Variants in SCLT1 observed in about 807,000 individuals in gnomAD.
The protein encoded by SCLT1 is sodium channel-associated protein 1.
A neutral mutation model predicts 112.8 loss-of-function variants in SCLT1; 78 were observed. The observed-to-expected ratio is 0.69, with a 90% CI of 0.58 to 0.83. The LOEUF (loss-of-function observed/expected upper bound fraction) is 0.83, where lower values mean the gene tolerates loss of function less well. SCLT1 is among the 40% of genes least tolerant of loss of function. The pLI is 0.00. For missense variants in SCLT1, 747 were observed against 770.4 expected (o/e 0.97, Z 0.36); for synonymous variants, 257 against 254.7 (o/e 1.01, Z -0.09).
chr4:128,950,872 C>T (rs543331131), intron 14 of SCLT1, among the ~76,000 whole-genome samples: 1 of 152,194 alleles, frequency 6.6e-6, no homozygotes, highest in Non-Finnish European at 1.5e-5. Flanking sequence ...CAGAATAAAA[C>T]CTTGAATATT....
intron 1 of SCLT1, among the ~76,000 whole-genome samples, chr4:129,088,675 A>C (rs1259484304): frequency 6.6e-6 from 1 of 152,250 alleles, no homozygotes; most frequent in African/African-American, 2.4e-5. Context: ...AGAGCAGAAT[A>C]TTAAAGAACG....
intron 9 of SCLT1, among the ~76,000 whole-genome samples, chr4:128,991,918 C>T (rs369599920): frequency 7.2e-5 from 11 of 151,824 alleles, no homozygotes; most frequent in African/African-American, 2.4e-4. Context: ...TATACAAATA[C>T]TTTGTCATTT....
chr4:129,023,919 C>A lies in SCLT1; in HGVS notation c.290+15122G>T, dbSNP rs189330133. 9.6e-3 allele frequency among the ~76,000 whole-genome samples: 1,456 copies of A among 152,320 alleles called. 16 individuals are homozygous for A. Among genetic ancestry groups the A allele is most frequent in the African/African-American group, 0.028 (1,167 of 41,566 alleles). ...CCTGGCTTGGAGGGTCCTACGCCCA[C>A]GGAGTCTCGCTGATTGCTAGCACAG... On this transcript the variant is annotated intron_variant, in intron 5 of 20. Coordinates refer to ENST00000281142, the MANE Select transcript of SCLT1 (RefSeq NM_144643.4).
chr4:128,916,772 T>A (rs318547), intron 18 of SCLT1, among the ~76,000 whole-genome samples: 110,552 of 152,014 alleles, frequency 0.73, 40,520 homozygotes, highest in African/African-American at 0.82. Context: ...TAGGCTTAGG[T>A]TCCTATACTA....
chr4:128,881,729 A>ATCATT (rs1468211119), downstream of SCLT1, among the ~76,000 whole-genome samples: 1 of 152,222 alleles, frequency 6.6e-6, no homozygotes, highest in Admixed American at 6.5e-5. Flanking sequence ...TACTATTTGT[A>ATCATT]TCATTTATAA....
At chr4:129,047,215 C>T (rs140158235) in intron 2 of SCLT1, among the ~76,000 whole-genome samples, 3 of 152,068 alleles carry the variant, frequency 2.0e-5, no homozygotes, top group African/African-American at 7.2e-5. Context: ...AACTTCTTCC[C>T]TCAAGTTTTG....
At chr4:128,930,827 C>T (rs1413859340) in intron 18 of SCLT1, among the ~76,000 whole-genome samples, 1 of 151,832 alleles carries the variant, frequency 6.6e-6, no homozygotes, top group African/African-American at 2.4e-5. Context: ...AGGGCAAATA[C>T]CAGGTAAGAT....
chr4:129,054,814 T>C (rs13109003), intron 2 of SCLT1, among the ~76,000 whole-genome samples: 110,012 of 151,948 alleles, frequency 0.72, 41,783 homozygotes, highest in South Asian at 0.9. Context: ...GAGTTGTGAT[T>C]ATGTGGTGAA....
chr4:129,038,491 C>T (rs1409608236), intron 5 of SCLT1, among the ~76,000 whole-genome samples: 3 of 151,786 alleles, frequency 2.0e-5, no homozygotes, highest in East Asian at 1.9e-4. Flanking sequence ...AAAAGTATAT[C>T]GCTTGGAGAT....
At chr4:128,884,752 C>T (rs953897280) in intron 20 of SCLT1, among the ~76,000 whole-genome samples, 1 of 152,140 alleles carries the variant, frequency 6.6e-6, no homozygotes, top group Non-Finnish European at 1.5e-5. Flanking sequence ...CCTTGACCTC[C>T]CAGGATCAAG....
chr4:129,090,940 CAAACATGAGTTGAGAAGTACCA>C (rs574596654), intron 1 of SCLT1, among the ~76,000 whole-genome samples: 10 of 152,048 alleles, frequency 6.6e-5, no homozygotes, highest in East Asian at 3.9e-4. Flanking sequence ...TGAGAAGTAC[CAAACATGAGTTGAGAAGTACCA>C]AAACATGAGT....
chr4:128,891,282 A>C, intron 18 of SCLT1, 145 bp from the exon 19 acceptor site: 94 of 614,082 alleles, frequency 1.5e-4, no homozygotes, highest in East Asian at 2.2e-4. Flanking sequence ...ACCATATCTC[A>C]AGGACTTGTT....
At chr4:128,880,595 A>C (rs1732617493), downstream of SCLT1, among the ~76,000 whole-genome samples, 1 of 152,210 alleles carries the variant, frequency 6.6e-6, no homozygotes, top group Non-Finnish European at 1.5e-5. Context: ...CCTTTGAAAA[A>C]GACTTAGGAT....
At chr4:129,074,676 A>G (rs963510355) in intron 2 of SCLT1, among the ~76,000 whole-genome samples, 8 of 152,204 alleles carry the variant, frequency 5.3e-5, no homozygotes, top group Admixed American at 4.6e-4. Context: ...ATCTTAAATA[A>G]CTGATATTGT....
intron 9 of SCLT1, among the ~76,000 whole-genome samples, chr4:128,984,683 C>T (rs1188746715): frequency 6.6e-6 from 1 of 151,946 alleles, no homozygotes; most frequent in Non-Finnish European, 1.5e-5. Flanking sequence ...CTAATTTATC[C>T]TACATATGCC....
intron 1 of SCLT1, among the ~76,000 whole-genome samples, chr4:129,085,694 C>T (rs536007555): frequency 7.2e-5 from 11 of 152,262 alleles, no homozygotes; most frequent in South Asian, 4.1e-4. Context: ...TAAAGAAGAA[C>T]GAGATCATCT....
chr4:129,006,890 A>G (rs1744077431), intron 5 of SCLT1, among the ~76,000 whole-genome samples: 1 of 152,196 alleles, frequency 6.6e-6, no homozygotes. Context: ...CATACTCTTA[A>G]GATTACAGCT....
At chr4:128,980,612 G>A (rs537046087) in intron 9 of SCLT1, among the ~76,000 whole-genome samples, 1 of 152,066 alleles carries the variant, frequency 6.6e-6, no homozygotes, top group Non-Finnish European at 1.5e-5. Context: ...TGTCGAGAGA[G>A]CACTAAACAT....
Position 129,016,844 on chromosome 4 carries a change from C to T in SCLT1, c.291-12968G>A, listed in dbSNP as rs72924160. On this transcript the variant is annotated intron_variant, in intron 5 of 20. Coordinates refer to ENST00000281142, the MANE Select transcript of SCLT1 (RefSeq NM_144643.4). ...AGATTCCAATTTCTTTAAACAGATT[C>T]GATTTTTGTTAAGATTTTGTCAAGA... Among the ~76,000 whole-genome samples, 907 of 152,176 alleles carry T rather than the reference C, an allele frequency of 6.0e-3. 7 individuals are homozygous for T. The highest frequency in any genetic ancestry group is 0.016 in the African/African-American group (657 of 41,530).
Sources: allele counts gnomAD v4.1 joint callset (sites outside exome capture counted in the v4.1 genomes callset), GRCh38; gene constraint gnomAD v4.1.1; transcripts MANE v1.5; gene names NCBI Gene and HGNC (gene_info 2026-07-23, HGNC 2026-07-21).